The following CTIF variants were observed in gnomAD, a reference collection of about 807,000 sequenced individuals.
The protein encoded by CTIF is CBP80/20-dependent translation initiation factor.
Under a neutral mutation model 66.0 loss-of-function variants are expected in CTIF, and 21 were observed. The observed-to-expected ratio is 0.32, with a 90% CI of 0.23 to 0.46. The LOEUF (loss-of-function observed/expected upper bound fraction) is 0.46. Ranked by LOEUF, CTIF falls within the 20% of genes least tolerant of loss-of-function variation. The pLI, the probability that CTIF is intolerant of heterozygous loss-of-function variation, is 1.00. For missense variants in CTIF, 739 were observed against 812.7 expected, an observed-to-expected ratio of 0.91 and a Z score of 1.10; for synonymous variants, 345 against 326.4, an observed-to-expected ratio of 1.06 and a Z score of -0.62.
At chr18:48,711,180 A>G (rs566808195) in intron 6 of CTIF, among the ~76,000 whole-genome samples, 2 of 152,270 alleles carry the variant, frequency 1.3e-5, no homozygotes, top group East Asian at 1.9e-4. Context: ...AGCAGCCCAG[A>G]GAAGAAGGGT....
intron 1 of CTIF, among the ~76,000 whole-genome samples, chr18:48,555,835 G>T (rs901342648): frequency 6.6e-6 from 1 of 152,216 alleles, no homozygotes; most frequent in Non-Finnish European, 1.5e-5. Context: ...TGTGACACAG[G>T]GCTCAGTTTG....
At chr18:48,712,022 C>CA (rs1254856721) in intron 7 of CTIF, among the ~76,000 whole-genome samples, 2 of 152,168 alleles carry the variant, frequency 1.3e-5, no homozygotes, top group African/African-American at 4.8e-5. Flanking sequence ...CTCAAAGCAA[C>CA]AATAGTGGTC....
chr18:48,540,902 G>C (rs1158317899), intron 1 of CTIF, among the ~76,000 whole-genome samples: 2 of 152,126 alleles, frequency 1.3e-5, no homozygotes, highest in Non-Finnish European at 2.9e-5. Context: ...GGCCGGGGAA[G>C]ACCGTAGGGT....
chr18:48,648,430 C>T (rs1328238419), intron 3 of CTIF, among the ~76,000 whole-genome samples: 1 of 151,706 alleles, frequency 6.6e-6, no homozygotes, highest in African/African-American at 2.4e-5. Flanking sequence ...CTATTTCCCC[C>T]TTTCCCAGCT....
At position 48,758,208 on chromosome 18, in the gene CTIF, AGCAGCCTTGAGGCCCCCC is replaced by A; in HGVS notation, c.881_898del (p.Leu294_Ser299del). On this transcript the variant is annotated inframe_deletion, in exon 8 of 12. Coordinates refer to ENST00000256413, the MANE Select transcript of CTIF (RefSeq NM_014772.3). Reference sequence around the variant, plus strand: ...GGACACTGCAGGGGACACCGGGCACAGCAGCCTTGAGGCCCCCCGCAGCCCTGACACCCTGGCCCCGGT... The same window carrying A: ...GGACACTGCAGGGGACACCGGGCACAGCAGCCCTGACACCCTGGCCCCGGT... The A allele has an allele frequency of 6.2e-7, 1 of 1,613,504 alleles. No individual in the cohort carries two copies. The highest frequency in any genetic ancestry group is 8.5e-7 in the Non-Finnish European group (1 of 1,179,818).
At chr18:48,640,967 C>G (rs1037133070) in intron 3 of CTIF, among the ~76,000 whole-genome samples, 3 of 152,216 alleles carry the variant, frequency 2.0e-5, no homozygotes, top group Non-Finnish European at 2.9e-5. Flanking sequence ...ATAAAAAGGG[C>G]TACAGATAGT....
At chr18:48,687,350 A>ACACACC (rs36006904) in intron 6 of CTIF, among the ~76,000 whole-genome samples, 14 of 147,060 alleles carry the variant, frequency 9.5e-5, no homozygotes, top group South Asian at 4.3e-4. Context: ...ACACACACAC[A>ACACACC]CCAAGCTTAC....
chr18:48,824,013 C>CACGCAG, intron 10 of CTIF, among the ~76,000 whole-genome samples: 1 of 146,760 alleles, frequency 6.8e-6, no homozygotes. Flanking sequence ...CACACACACA[C>CACGCAG]AAACTGCTAG....
intron 10 of CTIF, among the ~76,000 whole-genome samples, chr18:48,838,735 C>G (rs1034749599): frequency 3.3e-5 from 5 of 152,216 alleles, no homozygotes; most frequent in Non-Finnish European, 7.3e-5. Context: ...GCCCCTTAAC[C>G]AGAAGCATAT....
intron 2 of CTIF, among the ~76,000 whole-genome samples, chr18:48,635,397 C>T (rs2090800888): frequency 1.4e-5 from 2 of 147,606 alleles, no homozygotes; most frequent in Admixed American, 6.9e-5. Flanking sequence ...GACCACAGCT[C>T]ACTGCAACCT....
intron 7 of CTIF, among the ~76,000 whole-genome samples, chr18:48,727,461 A>AT (rs1194840106): frequency 6.6e-6 from 1 of 152,154 alleles, no homozygotes; most frequent in Non-Finnish European, 1.5e-5. Context: ...TGCTGGTAGA[A>AT]TTTGGGAGGT....
intron 10 of CTIF, among the ~76,000 whole-genome samples, chr18:48,822,901 C>T (rs1042825484): frequency 6.6e-6 from 1 of 152,060 alleles, no homozygotes; most frequent in Admixed American, 6.6e-5. Flanking sequence ...TTTGCATTTC[C>T]CTGATGATTA....
At chr18:48,587,202 C>T (rs1191340421) in intron 1 of CTIF, among the ~76,000 whole-genome samples, 1 of 151,944 alleles carries the variant, frequency 6.6e-6, no homozygotes. Flanking sequence ...CTGCCTCAGC[C>T]TCCTGAGTAG....
intron 3 of CTIF, among the ~76,000 whole-genome samples, chr18:48,642,437 T>C (rs578240943): frequency 1.3e-5 from 2 of 152,084 alleles, no homozygotes; most frequent in Admixed American, 6.5e-5. Context: ...AGAGAAGACA[T>C]GATGTTAGCA....
intron 9 of CTIF, among the ~76,000 whole-genome samples, chr18:48,810,104 T>C (rs2068228720): frequency 6.6e-6 from 1 of 152,082 alleles, no homozygotes; most frequent in Admixed American, 6.5e-5. Context: ...GTTATAAAAT[T>C]TCATAGGTAG....
chr18:48,738,200 T>G (rs1237790095), intron 7 of CTIF, among the ~76,000 whole-genome samples: 1 of 152,212 alleles, frequency 6.6e-6, no homozygotes, highest in Non-Finnish European at 1.5e-5. Flanking sequence ...GGGTCCCATC[T>G]TCAAAGCAGA....
intron 1 of CTIF, among the ~76,000 whole-genome samples, chr18:48,572,672 G>T (rs1324496935): frequency 6.6e-6 from 1 of 152,094 alleles, no homozygotes; most frequent in Admixed American, 6.5e-5. Context: ...GAAGAAGAAG[G>T]TGTTGATGAG....
intron 6 of CTIF, among the ~76,000 whole-genome samples, chr18:48,683,412 G>C (rs754414995): frequency 6.7e-6 from 1 of 149,786 alleles, no homozygotes; most frequent in African/African-American, 2.4e-5. Context: ...ACTTCGAGCA[G>C]GGGGCACAAG....
chr18:48,661,417 A>T (rs552733929), intron 3 of CTIF, among the ~76,000 whole-genome samples: 1 of 151,862 alleles, frequency 6.6e-6, no homozygotes, highest in East Asian at 1.9e-4. Flanking sequence ...TTTGCTTTCT[A>T]TGTTATTTTT....
Sources: gnomAD v4.1 joint callset for allele counts (sites outside exome capture counted in the v4.1 genomes callset) on GRCh38, gnomAD v4.1.1 for gene constraint, MANE v1.5 for transcripts, NCBI Gene and HGNC (gene_info 2026-07-23, HGNC 2026-07-21) for gene names.